The following SLC25A25 variants were observed in gnomAD, a reference collection of about 807,000 sequenced individuals.
SLC25A25 encodes mitochondrial adenyl nucleotide antiporter SLC25A25.
A neutral mutation model predicts 57.7 loss-of-function variants in SLC25A25; 32 were observed. That is an observed-to-expected ratio of 0.55 (90% CI 0.42 to 0.74). The LOEUF is 0.74. Among genes scored for constraint, SLC25A25 ranks in the 30% least tolerant of loss-of-function variants. The pLI, the probability that SLC25A25 is intolerant of heterozygous loss-of-function variation, is 0.00. For synonymous variants in SLC25A25, 306 were observed against 291.2 expected (o/e 1.05, Z -0.52); for missense variants, 556 against 701.3 (o/e 0.79, Z 2.34).
In SLC25A25 at chr9:128,102,242, T is replaced by TG. The variant is rs1452780615; in HGVS notation, c.513-123dup. On this transcript the variant is annotated intron_variant, in intron 4 of 10. Coordinates refer to ENST00000373069, the MANE Select transcript of SLC25A25 (RefSeq NM_001330988.2). The surrounding 1 kb of genome is among the most constrained non-coding windows in gnomAD (Gnocchi z 4.1). ...GTGTGGAGCCCCCTGCTCTTTCTCC[T>TG]GGGGGCAGAGGCACCTCGTGTGGTT... The TG allele has an allele frequency of 7.1e-7, 1 of 1,404,682 alleles. No homozygotes were observed. The highest frequency in any genetic ancestry group is 9.9e-7 in the Non-Finnish European group (1 of 1,013,238). 87.0% of individuals were successfully genotyped at this position (1,404,682 alleles called of 1,614,324 possible).
chr9:128,094,160 AAAAGTTC>A (rs1833494137), intron 1 of SLC25A25, among the ~76,000 whole-genome samples: 1 of 152,178 alleles, frequency 6.6e-6, no homozygotes, highest in South Asian at 2.1e-4. Flanking sequence ...AGAAAAAAAG[AAAAGTTC>A]ACTTTGGTTC....
chr9:128,087,330 C>G (rs921051881), intron 1 of SLC25A25, among the ~76,000 whole-genome samples: 1 of 151,854 alleles, frequency 6.6e-6, no homozygotes, highest in Non-Finnish European at 1.5e-5. Flanking sequence ...GACGCAGTCT[C>G]GGCTTACTGC....
At chr9:128,085,424 G>C (rs1322129001) in intron 1 of SLC25A25, among the ~76,000 whole-genome samples, 1 of 151,968 alleles carries the variant, frequency 6.6e-6, no homozygotes, top group East Asian at 1.9e-4. Context: ...GAGCCCAGGA[G>C]TTCAAGACCA....
intron 1 of SLC25A25, among the ~76,000 whole-genome samples, chr9:128,073,931 G>A (rs933975739): frequency 1.3e-5 from 2 of 152,026 alleles, no homozygotes; most frequent in Admixed American, 1.3e-4. Context: ...ACTGGGTTGC[G>A]CCATTTTGGC....
chr9:128,090,809 C>CTCAATCAA (rs534661405), intron 1 of SLC25A25, among the ~76,000 whole-genome samples: 65 of 152,314 alleles, frequency 4.3e-4, no homozygotes, highest in Admixed American at 4.6e-4. Flanking sequence ...GAGACTCCAT[C>CTCAATCAA]TCAATCAATC....
In SLC25A25 at chr9:128,073,599, G is replaced by A. The variant is rs375420530; in HGVS notation, c.261+5019G>A. ...CCTTTCCAAGAGATAGACATTATTC[G>A]CTATAATATAATGGCCCTTTAGGAA... is the stretch of plus-strand genomic sequence containing the variant. On this transcript the variant is annotated intron_variant, in intron 1 of 10. Transcript: ENST00000373069. Among the ~76,000 whole-genome samples, 4 of 152,068 alleles carry A rather than the reference G, an allele frequency of 2.6e-5. No individual in the cohort carries two copies. The East Asian group carries it at 5.8e-4, about 22-fold the overall frequency.
chr9:128,098,450 A>G lies in SLC25A25; in HGVS notation c.262-2646A>G, dbSNP rs1833634215. On this transcript the variant is annotated intron_variant, in intron 1 of 10. Coordinates refer to ENST00000373069, the MANE Select transcript of SLC25A25 (RefSeq NM_001330988.2). ...TCAATTAAGTAAAAGGGCAGGGCTT[A>G]AGCAGCCAATGACAGCTGAGGCCAG... The G allele has an allele frequency of 2.0e-6, 3 of 1,466,592 alleles. No homozygotes were observed. The South Asian group carries it at 4.4e-5, about 22-fold the overall frequency. 90.8% of individuals were successfully genotyped at this position (1,466,592 alleles called of 1,614,324 possible). A position where few individuals can be genotyped will look rare whatever the true frequency, so the allele number is the denominator to read the frequency against.
chr9:128,095,686 T>C lies in SLC25A25; in HGVS notation c.262-5410T>C, dbSNP rs540609644. Among the ~76,000 whole-genome samples, 9 of 152,304 alleles carry C rather than the reference T, an allele frequency of 5.9e-5. No homozygotes were observed. The East Asian group carries it at 1.7e-3, about 29-fold the overall frequency. ...TTAGCTGGGTGTGCTCGTGGGCACCTGTAGTCCCAGCTACTCGGGAGGCTG... is the reference window on the plus strand; with the variant it reads ...TTAGCTGGGTGTGCTCGTGGGCACCCGTAGTCCCAGCTACTCGGGAGGCTG... On this transcript the variant is annotated intron_variant, in intron 1 of 10. Transcript: ENST00000373069. The surrounding 1 kb of genome is among the most constrained non-coding windows in gnomAD (Gnocchi z 4.4).
chr9:128,068,959 C>T (rs527766213), intron 1 of SLC25A25, among the ~76,000 whole-genome samples: 1 of 152,206 alleles, frequency 6.6e-6, no homozygotes, highest in Non-Finnish European at 1.5e-5. Context: ...CAGCAGCACC[C>T]CCTCCTTTCC....
rs1833164830 is a variant in SLC25A25 at position 128,081,945 on chromosome 9, T to C, written c.261+13365T>C. 2.0e-5 allele frequency among the ~76,000 whole-genome samples: 3 copies of C among 151,928 alleles called. No homozygotes were observed. In the South Asian group the frequency reaches 6.2e-4, roughly 32 times the overall value. ...AAAAAAATAAAGTAGAAATCCCATA[T>C]TTCCAAGCAGACCCTTGCTTCTGTA... On this transcript the variant is annotated intron_variant, in intron 1 of 10. Transcript: ENST00000373069.
In SLC25A25 at chr9:128,097,977, G is replaced by A. The variant is rs956057947; in HGVS notation, c.262-3119G>A. Among the ~76,000 whole-genome samples the A allele has an allele frequency of 5.3e-5, 8 of 152,206 alleles. No individual in the cohort carries two copies. The South Asian group carries it at 8.3e-4, about 16-fold the overall frequency. On this transcript the variant is annotated intron_variant, in intron 1 of 10. Transcript: ENST00000373069. ...GTGGGATACATGGGCCCATAGGGGG[G>A]TCCACTTTCCAGGGTGGCTAGGCAC...
At position 128,108,478 on chromosome 9, in the gene SLC25A25, G is replaced by A. The variant is rs1291694616; in HGVS notation, c.*1034G>A. 5 of 390,884 alleles carry A rather than the reference G, an allele frequency of 1.3e-5. No homozygotes were observed. The highest frequency in any genetic ancestry group is 4.4e-5 in the Admixed American group (1 of 22,510). 24.2% of individuals were successfully genotyped at this position (390,884 alleles called of 1,614,324 possible). ...CCCCAGCAGGGGCGCAGCGGGACCA[G>A]CCCCACATTCCACTTGTGTCACTGC... is the stretch of plus-strand genomic sequence containing the variant. On this transcript the variant is annotated 3_prime_UTR_variant, in exon 11 of 11. Transcript: ENST00000373069.
At chr9:128,100,278 G>C (rs563204160) in intron 1 of SLC25A25, among the ~76,000 whole-genome samples, 2 of 152,098 alleles carry the variant, frequency 1.3e-5, no homozygotes, top group African/African-American at 4.8e-5. Flanking sequence ...GTGTGCTCTC[G>C]TGGAGCTGTC....
chr9:128,096,850 A>T lies in SLC25A25; in HGVS notation c.262-4246A>T, dbSNP rs1032639278. The stretch of plus-strand genomic sequence containing the variant: ...GCAGCTTAAGAGATAGCTGAGTGTC[A>T]TGGATTTAGCGGAGGCTGAGCAGGA... On this transcript the variant is annotated intron_variant, in intron 1 of 10. Coordinates refer to ENST00000373069, the MANE Select transcript of SLC25A25 (RefSeq NM_001330988.2). Among the ~76,000 whole-genome samples, 5 of 152,344 alleles carry T rather than the reference A, an allele frequency of 3.3e-5. No individual in the cohort carries two copies. The South Asian group carries it at 1.0e-3, about 32-fold the overall frequency.
At chr9:128,075,268 C>T (rs7863848) in intron 1 of SLC25A25, among the ~76,000 whole-genome samples, 36,300 of 151,896 alleles carry the variant, frequency 0.24, 5,552 homozygotes, top group African/African-American at 0.43. Flanking sequence ...GACTGTGCCA[C>T]TGCACTTCAG....
intron 8 of SLC25A25, 23 bp downstream of exon 8, chr9:128,106,280 G>C (rs772016798): frequency 6.2e-7 from 1 of 1,608,452 alleles, no homozygotes; most frequent in East Asian, 2.2e-5. Flanking sequence ...CTGGGTCCTG[G>C]GGCGGGCAGT....
intron 1 of SLC25A25, among the ~76,000 whole-genome samples, chr9:128,070,625 CCTGTATGTATCTGATGAATACTCA>C (rs1330871654): frequency 6.6e-6 from 1 of 151,824 alleles, no homozygotes; most frequent in Non-Finnish European, 1.5e-5. Flanking sequence ...TGGAGATTTT[CCTGTATGTATCTGATGAATACTCA>C]CTTGAAAAGG....
At position 128,095,789 on chromosome 9, in the gene SLC25A25, G is replaced by A. The variant is rs1384670506; in HGVS notation, c.262-5307G>A. On this transcript the variant is annotated intron_variant, in intron 1 of 10. Transcript: ENST00000373069. This position sits in a 1 kb window ranked among gnomAD's most constrained non-coding sequence, Gnocchi z 4.4. ...CGCGCCACTGCACTCCAGCCTGGGC[G>A]ACAGAGCAAGACTCCATCTTAGGAA... 1.3e-5 allele frequency among the ~76,000 whole-genome samples: 2 copies of A among 152,078 alleles called. No individual in the cohort carries two copies. The highest frequency in any genetic ancestry group is 2.4e-5 in the African/African-American group (1 of 41,394).
At chr9:128,105,686 G>A (rs1281135532) in intron 6 of SLC25A25, 43 bp from the exon 7 acceptor site, 4 of 1,611,424 alleles carry the variant, frequency 2.5e-6, no homozygotes, top group East Asian at 2.2e-5. Context: ...GAGGCAGCCT[G>A]TGGCCCCCCG....
Sources: allele counts gnomAD v4.1 joint callset (sites outside exome capture counted in the v4.1 genomes callset), GRCh38; gene constraint gnomAD v4.1.1; non-coding constraint Gnocchi (gnomAD v3.1); transcripts MANE v1.5; gene names NCBI Gene and HGNC (gene_info 2026-07-23, HGNC 2026-07-21).